Variants in CROCC observed in about 807,000 individuals in gnomAD.
The protein encoded by CROCC is ciliary rootlet coiled-coil, rootletin.
In CROCC, 180 loss-of-function variants were observed where a neutral mutation model predicts 245.2. The observed-to-expected ratio is 0.73, with a 90% CI of 0.65 to 0.83. The LOEUF (loss-of-function observed/expected upper bound fraction) is 0.83, where lower values mean the gene tolerates loss of function less well. CROCC is among the 40% of genes least tolerant of loss of function. The probability of loss-of-function intolerance (pLI) is 0.00; values close to 1 mark genes in which losing one functional copy is unlikely to be tolerated. For synonymous variants in CROCC, 1,205 were observed against 1,241.6 expected, an observed-to-expected ratio of 0.97 and a Z score of 0.62; for missense variants, 2,688 against 2,779.4, an observed-to-expected ratio of 0.97 and a Z score of 0.74.
intron 17 of CROCC, among the ~76,000 whole-genome samples, 180 bp from the exon 18 acceptor site, chr1:16,948,151 G>A (rs1177907217): frequency 3.9e-5 from 6 of 152,278 alleles, no homozygotes; most frequent in African/African-American, 7.2e-5. Flanking sequence ...TTGTACACAC[G>A]TGCATTGCAG....
intron 3 of CROCC, among the ~76,000 whole-genome samples, chr1:16,928,885 G>T (rs1219617813): frequency 2.0e-5 from 3 of 152,212 alleles, no homozygotes; most frequent in African/African-American, 7.2e-5. Flanking sequence ...GGAGTGCAGT[G>T]GCACGATCTC....
At chr1:16,922,602 C>G in intron 1 of CROCC, 61 bp from the exon 2 acceptor site, 4 of 1,534,522 alleles carry the variant, frequency 2.6e-6, no homozygotes, top group South Asian at 1.3e-5. Flanking sequence ...GTGGCTCTCC[C>G]CACGAGGCCA....
intron 8 of CROCC, among the ~76,000 whole-genome samples, chr1:16,932,547 G>A (rs1384575007): frequency 6.6e-6 from 1 of 152,256 alleles, no homozygotes; most frequent in Non-Finnish European, 1.5e-5. Context: ...GGGTGGGGAG[G>A]TCAGAAAAAC....
rs745441396 is a variant in CROCC, at chr1:16,953,463, A to C, written c.3168A>C (p.Ala1056=). 76 of 1,607,210 alleles carry C rather than the reference A, an allele frequency of 4.7e-5. No individual in the cohort carries two copies. Among genetic ancestry groups the C allele is most frequent in the African/African-American group, 1.7e-4 (13 of 74,866 alleles). ...AGCGCGACGAGGGCCTCCTCCTAGC[A>C]GAGAGTGAGAAGCAGCAGGTTCGTG... ...QQERDEGLLL[A]ESEKQQALSL... Residue 1056 remains alanine (A), a synonymous_variant, in exon 21 of 37, where the codon GCA becomes GCC. Coordinates refer to ENST00000375541, the MANE Select transcript of CROCC (RefSeq NM_014675.5).
At position 16,948,499 on chromosome 1, in the gene CROCC, C is replaced by T. The variant is rs762911374; in HGVS notation, c.2683C>T (p.Leu895=). 3.8e-5 allele frequency: 59 copies of T among 1,548,888 alleles called. No individual in the cohort carries two copies. In the Middle Eastern group the frequency reaches 1.3e-3, roughly 34 times the overall value. Reference sequence around the variant, plus strand: ...GGCTGCGGAGCGTGAAGGCAGGACCCTGTCAGAGGAGGCCACACGCCTGCG... The same window carrying T: ...GGCTGCGGAGCGTGAAGGCAGGACCTTGTCAGAGGAGGCCACACGCCTGCG... ...LVAAEREGRT[L]SEEATRLRLE... Residue 895 remains leucine, a synonymous_variant, in exon 18 of 37, where the codon CTG becomes TTG. Coordinates refer to ENST00000375541, the MANE Select transcript of CROCC (RefSeq NM_014675.5).
At position 16,936,809 on chromosome 1, in the gene CROCC, C is replaced by T. The variant is rs752617403; in HGVS notation, c.1129C>T (p.Arg377Cys). The T allele has an allele frequency of 7.3e-5, 117 of 1,612,184 alleles. No homozygotes were observed. The South Asian group carries it at 9.3e-4, about 13-fold the overall frequency. Residue 377 changes from arginine to cysteine, a missense_variant, in exon 9 of 37, where the codon CGC (arginine) becomes TGC (cysteine). By Grantham distance (180) the Arg-to-Cys change is radical (BLOSUM62 -3). This residue lies in a region of CROCC where 972 missense variants were observed against 895.3 expected (regional missense o/e 1.09). Transcript: ENST00000375541. The stretch of plus-strand genomic sequence containing the variant: ...GGAGCAGCTGCGGGACAAGGTGCTC[C>T]GCGAGAAGGACCTGGCGCAGCAGCA... ...LEEQLRDKVL[R>C]EKDLAQQQMQ...
chr1:16,916,770 C>T (rs1370950993), intron 1 of CROCC, among the ~76,000 whole-genome samples: 2 of 152,294 alleles, frequency 1.3e-5, no homozygotes, highest in African/African-American at 4.8e-5. Context: ...ACCTTGGCCT[C>T]CCAAAGTGTT....
intron 23 of CROCC, 48 bp from the exon 24 acceptor site, chr1:16,955,264 C>CG (rs151046905): frequency 0.18 from 286,569 of 1,570,536 alleles, 27,008 homozygotes; most frequent in African/African-American, 0.25. Flanking sequence ...CCCAGCTTGA[C>CG]GGGGGGGTCC....
chr1:16,948,908 G>C lies in CROCC; in HGVS notation c.2818G>C (p.Ala940Pro), dbSNP rs2076111956. ...AGCCGAGGGGCAGGCCCTGCTGCTG[G>C]CCAAGGAGACCCTGACTGGTACGAG... ...LEAEGQALLL[A>P]KETLTGELAG... is the part of the protein sequence containing the mutation. Residue 940 changes from alanine to proline, a missense_variant, in exon 19 of 37, where the codon GCC becomes CCC. Ala to Pro is a conservative substitution (Grantham distance 27). This residue lies in a region of CROCC where 20 missense variants were observed against 55.4 expected (regional missense o/e 0.36). Coordinates refer to ENST00000375541, the MANE Select transcript of CROCC (RefSeq NM_014675.5). 1.2e-6 allele frequency: 2 copies of C among 1,611,394 alleles called. No homozygotes were observed. The highest frequency in any genetic ancestry group is 3.3e-5 in the Admixed American group (2 of 59,992).
upstream of CROCC, among the ~76,000 whole-genome samples, chr1:16,918,423 TGGA>T (rs1424816000): frequency 1.7e-4 from 26 of 148,874 alleles, no homozygotes; most frequent in African/African-American, 6.4e-4. Flanking sequence ...ACTTTGGGGA[TGGA>T]GCCAAGGGTG....
At position 16,966,055 on chromosome 1, in the gene CROCC, T is replaced by C; in HGVS notation, c.4632T>C (p.Ala1544=). The change falls in exon 29 of 37, where the codon GCT becomes GCC. Residue 1544 remains alanine, a synonymous_variant. Transcript: ENST00000375541. The surrounding 1 kb of genome is among the most constrained non-coding windows in gnomAD (Gnocchi z 4.8). ...ATCGCCAGCTGGCCGAGATGGAGGCTGAGAGGGACAGCGCAACCTCGAGGG... is the reference window on the plus strand; with the variant it reads ...ATCGCCAGCTGGCCGAGATGGAGGCCGAGAGGGACAGCGCAACCTCGAGGG... ...ALNRQLAEME[A]ERDSATSRAR... 2 of 1,613,892 alleles carry C rather than the reference T, an allele frequency of 1.2e-6. No homozygotes were observed. The highest frequency in any genetic ancestry group is 1.7e-6 in the Non-Finnish European group (2 of 1,179,840).
rs1485945151 is a variant in CROCC, at chr1:16,930,503, T to C, written c.758T>C (p.Leu253Pro). Residue 253 changes from leucine to proline, a missense_variant, in exon 7 of 37, where the codon CTG (leucine) becomes CCG (proline). Coordinates refer to ENST00000375541, the MANE Select transcript of CROCC (RefSeq NM_014675.5). ...CAGGCAGGCTCGGCCAACCAGGCTC[T>C]GAGTGAGGACATACGAAAGGTGACC... ...LDQAGSANQA[L>P]SEDIRKVTND... is the part of the protein sequence containing the mutation. The C allele has an allele frequency of 6.2e-7, 1 of 1,612,360 alleles. No homozygotes were observed. Among genetic ancestry groups the C allele is most frequent in the Non-Finnish European group, 8.5e-7 (1 of 1,179,858 alleles).
intron 23 of CROCC, 106 bp from the exon 24 acceptor site, chr1:16,955,206 C>T (rs2076229164): frequency 9.2e-7 from 1 of 1,091,268 alleles, no homozygotes; most frequent in Non-Finnish European, 1.3e-6. Flanking sequence ...CTGAGCACTG[C>T]AGAGGGATGG....
At position 16,930,831 on chromosome 1, in the gene CROCC, C is replaced by G. The variant is rs1407932116; in HGVS notation, c.849+237C>G. On this transcript the variant is annotated intron_variant, in intron 7 of 36. Coordinates refer to ENST00000375541, the MANE Select transcript of CROCC (RefSeq NM_014675.5). ...ACTGCATGTGGTAGGTGCTATCATT[C>G]TCCTCATTTTAAAGAGAGGTTAAGG... Among the ~76,000 whole-genome samples, 3 of 152,300 alleles carry G rather than the reference C, an allele frequency of 2.0e-5. No individual in the cohort carries two copies. In the East Asian group the frequency reaches 5.8e-4, roughly 29 times the overall value.
At chr1:16,970,043 A>T in intron 33 of CROCC, 109 bp downstream of exon 33, 3 of 1,375,420 alleles carry the variant, frequency 2.2e-6, no homozygotes, top group Non-Finnish European at 2.9e-6. Context: ...TGCAGCCTCC[A>T]GTAAGGAAAC....
intron 3 of CROCC, among the ~76,000 whole-genome samples, chr1:16,925,558 C>T (rs1288804475): frequency 6.6e-6 from 1 of 152,282 alleles, no homozygotes. Flanking sequence ...GCACAGCTGG[C>T]CCCCACAAAG....
intron 12 of CROCC, among the ~76,000 whole-genome samples, chr1:16,939,417 G>A (rs1050188623): frequency 6.6e-6 from 1 of 152,242 alleles, no homozygotes; most frequent in African/African-American, 2.4e-5. Flanking sequence ...GGAGGGAGGA[G>A]GCTGCGGCAG....
chr1:16,939,490 A>G (rs998753389), intron 12 of CROCC, among the ~76,000 whole-genome samples: 2 of 152,100 alleles, frequency 1.3e-5, no homozygotes, highest in Admixed American at 6.6e-5. Context: ...ACCCTGGGAA[A>G]AGGTCTAGCA....
At chr1:16,938,876 C>T (rs2075850859) in intron 11 of CROCC, 33 bp from the exon 12 acceptor site, 2 of 1,594,436 alleles carry the variant, frequency 1.3e-6, no homozygotes, top group Non-Finnish European at 1.7e-6. Flanking sequence ...CCTAACTCAG[C>T]AGCCTCCTTC....
Sources: allele counts gnomAD v4.1 joint callset (sites outside exome capture counted in the v4.1 genomes callset), GRCh38; gene constraint gnomAD v4.1.1; regional missense constraint gnomAD v4.1.1; non-coding constraint Gnocchi (gnomAD v3.1); transcripts MANE v1.5; gene names NCBI Gene and HGNC (gene_info 2026-07-23, HGNC 2026-07-21).